Variants in DSE observed in about 807,000 individuals in gnomAD.
The protein encoded by DSE is dermatan-sulfate epimerase.
DSE carries 36 observed loss-of-function variants against 84.4 expected under a neutral mutation model. The ratio of observed to expected loss-of-function variants is 0.43; its 90% CI spans 0.33 to 0.56. DSE has a LOEUF of 0.56. Ranked by LOEUF, DSE falls within the 20% of genes least tolerant of loss-of-function variation. The pLI is 0.06. For synonymous variants in DSE, 410 were observed against 430.1 expected (o/e 0.95, Z 0.58); for missense variants, 862 against 1,169.6 (o/e 0.74, Z 3.84).
Position 116,314,989 on chromosome 6 carries a change from A to G in DSE, c.-54+56022A>G, listed in dbSNP as rs528824540. On this transcript the variant is annotated intron_variant, in intron 2 of 3. Coordinates refer to the DSE transcript ENST00000430252. ...GTGTCCAGAGGTAGGCTCTGAACCC[A>G]TTGTTTTACCATCTGTCTTCCAGCC... Among the ~76,000 whole-genome samples, 8 of 152,318 alleles carry G rather than the reference A, an allele frequency of 5.3e-5. No homozygotes were observed. The South Asian group carries it at 1.7e-3, about 32-fold the overall frequency.
chr6:116,393,713 T>A (rs1328433911), intron 1 of DSE, among the ~76,000 whole-genome samples: 1 of 152,246 alleles, frequency 6.6e-6, no homozygotes, highest in Non-Finnish European at 1.5e-5. Context: ...TGTTAATCAT[T>A]ATGTTGTGTT....
At chr6:116,415,969 C>T (rs1384205112) in intron 2 of DSE, among the ~76,000 whole-genome samples, 1 of 152,186 alleles carries the variant, frequency 6.6e-6, no homozygotes, top group Non-Finnish European at 1.5e-5. Context: ...GGGCTAAAAT[C>T]AAGGTGTTAG....
chr6:116,406,964 G>A (rs1781971064), intron 2 of DSE, among the ~76,000 whole-genome samples: 1 of 152,174 alleles, frequency 6.6e-6, no homozygotes, highest in East Asian at 1.9e-4. Context: ...TATTAGTGTA[G>A]GAGGGAAATG....
At chr6:116,338,196 T>G (rs1287461859) in intron 2 of DSE, among the ~76,000 whole-genome samples, 2 of 150,406 alleles carry the variant, frequency 1.3e-5, no homozygotes, top group African/African-American at 4.9e-5. Context: ...TTTCTTTCTT[T>G]CTTCTTACCT....
chr6:116,386,687 A>T (rs1780595398), intron 1 of DSE, among the ~76,000 whole-genome samples: 1 of 152,194 alleles, frequency 6.6e-6, no homozygotes, highest in Non-Finnish European at 1.5e-5. Flanking sequence ...TGAGTCATCT[A>T]GTTAACTAAA....
rs962041134 is a variant in DSE at position 116,437,799 on chromosome 6, A to G, written c.*454A>G. On this transcript the variant is annotated 3_prime_UTR_variant, in exon 6 of 6. Transcript: ENST00000644252. ...AAATTTTAATGGTATACTCATGTTGAAAGATAAATGTTGCTAAGTCCTGGT... is the reference window on the plus strand; with the variant it reads ...AAATTTTAATGGTATACTCATGTTGGAAGATAAATGTTGCTAAGTCCTGGT... 1 of 152,846 alleles carries G rather than the reference A, an allele frequency of 6.5e-6. No homozygotes were observed. The highest frequency in any genetic ancestry group is 1.5e-5 in the Non-Finnish European group (1 of 68,574). 9.5% of individuals were successfully genotyped at this position (152,846 alleles called of 1,614,324 possible).
intron 2 of DSE, among the ~76,000 whole-genome samples, chr6:116,262,802 G>A (rs1281634501): frequency 1.3e-5 from 2 of 152,130 alleles, no homozygotes; most frequent in Admixed American, 1.3e-4. Context: ...AGAGATTCTG[G>A]TATGTTGTCT....
At chr6:116,346,215 T>C (rs1023098691) in intron 2 of DSE, among the ~76,000 whole-genome samples, 5 of 152,190 alleles carry the variant, frequency 3.3e-5, no homozygotes, top group Admixed American at 1.3e-4. Flanking sequence ...TACCATTCCT[T>C]CTGAAACTAT....
At chr6:116,259,396 G>A (rs958014631) in intron 2 of DSE, among the ~76,000 whole-genome samples, 7 of 152,200 alleles carry the variant, frequency 4.6e-5, no homozygotes, top group African/African-American at 1.7e-4. Flanking sequence ...ATGCTCTTCT[G>A]AGATAGATTT....
chr6:116,272,502 A>T (rs1772924130), intron 2 of DSE, among the ~76,000 whole-genome samples: 1 of 152,180 alleles, frequency 6.6e-6, no homozygotes, highest in African/African-American at 2.4e-5. Context: ...CTGCAAGACC[A>T]CAGGGGGGAA....
chr6:116,369,942 A>C, upstream of DSE: 1 of 1,289,298 alleles, frequency 7.8e-7, no homozygotes, highest in Non-Finnish European at 1.0e-6. Flanking sequence ...GTATCCTACA[A>C]ATCTTTCACT....
chr6:116,428,672 T>C (rs1375672998), intron 3 of DSE, among the ~76,000 whole-genome samples: 1 of 152,168 alleles, frequency 6.6e-6, no homozygotes, highest in Non-Finnish European at 1.5e-5. Flanking sequence ...AGGTGTGAAA[T>C]GTTTAAATGA....
Position 116,436,136 on chromosome 6 carries a change from G to A in DSE, c.1668G>A (p.Arg556=). 1 of 1,612,946 alleles carries A rather than the reference G, an allele frequency of 6.2e-7. No homozygotes were observed. The highest frequency in any genetic ancestry group is 1.3e-5 in the African/African-American group (1 of 74,998). The change falls in exon 6 of 6, where the codon AGG becomes AGA. Residue 556 remains arginine (R), a synonymous_variant. Coordinates refer to ENST00000644252, the MANE Select transcript of DSE (RefSeq NM_013352.4). Reference sequence around the variant, plus strand: ...AGCTCAACCTGAAGAATGTTCAGAGGAATCTCATCCTCCTACATCCACAGC... The same window carrying A: ...AGCTCAACCTGAAGAATGTTCAGAGAAATCTCATCCTCCTACATCCACAGC... ...NPQLNLKNVQ[R]NLILLHPQLL... is the part of the protein sequence containing the mutation.
At chr6:116,393,315 G>A (rs1299337451) in intron 1 of DSE, among the ~76,000 whole-genome samples, 2 of 152,218 alleles carry the variant, frequency 1.3e-5, no homozygotes, top group Non-Finnish European at 2.9e-5. Context: ...TACTATGAGT[G>A]ATGTGTTGAA....
At chr6:116,390,165 T>C (rs1315125063) in intron 1 of DSE, among the ~76,000 whole-genome samples, 1 of 152,008 alleles carries the variant, frequency 6.6e-6, no homozygotes, top group Non-Finnish European at 1.5e-5. Flanking sequence ...CCACCCAGCT[T>C]CAAGCGATCC....
upstream of DSE, among the ~76,000 whole-genome samples, chr6:116,368,204 A>G (rs1432422817): frequency 6.6e-6 from 1 of 152,192 alleles, no homozygotes; most frequent in Non-Finnish European, 1.5e-5. Context: ...TAATTCTTAC[A>G]AAAGTGCCAC....
rs1451219333 is a variant in DSE, at chr6:116,443,555, A to C, written c.*6210A>C. On this transcript the variant is annotated 3_prime_UTR_variant, in exon 6 of 6. Coordinates refer to ENST00000644252, the MANE Select transcript of DSE (RefSeq NM_013352.4). ...TTTCCTCACTCCATTTAATTTAAAAAAGAAATAGTTTCAATTATATAAGCA... is the reference window on the plus strand; with the variant it reads ...TTTCCTCACTCCATTTAATTTAAAACAGAAATAGTTTCAATTATATAAGCA... 1 of 152,226 alleles carries C rather than the reference A, an allele frequency of 6.6e-6. No homozygotes were observed. The highest frequency in any genetic ancestry group is 1.5e-5 in the Non-Finnish European group (1 of 68,040). 9.4% of individuals were successfully genotyped at this position (152,226 alleles called of 1,614,324 possible).
rs535051122 is a variant in DSE, at chr6:116,413,018, C to T, written c.416+13352C>T. Among the ~76,000 whole-genome samples, 20 of 152,156 alleles carry T rather than the reference C, an allele frequency of 1.3e-4. No individual in the cohort carries two copies. The East Asian group carries it at 3.3e-3, about 25-fold the overall frequency. ...AATGGCCTCTAGCTCCATGTTGCTG[C>T]GACGGATGTGATTTCATTCTTTTCT... On this transcript the variant is annotated intron_variant, in intron 2 of 5. Coordinates refer to ENST00000644252, the MANE Select transcript of DSE (RefSeq NM_013352.4).
chr6:116,289,644 A>G (rs917558825), intron 2 of DSE, among the ~76,000 whole-genome samples: 8 of 152,064 alleles, frequency 5.3e-5, no homozygotes, highest in Admixed American at 3.9e-4. Flanking sequence ...AAATAAAAAT[A>G]ATAAAAAGTA....
Sources: gnomAD v4.1 joint callset for allele counts (sites outside exome capture counted in the v4.1 genomes callset) on GRCh38, gnomAD v4.1.1 for gene constraint, MANE v1.5 for transcripts, NCBI Gene and HGNC (gene_info 2026-07-23, HGNC 2026-07-21) for gene names.